LRRC49: variants seen among roughly 807,000 people sequenced by gnomAD.
The protein encoded by LRRC49 is leucine-rich repeat-containing protein 49.
Under a neutral mutation model 83.3 loss-of-function variants are expected in LRRC49, and 50 were observed. The observed-to-expected ratio is 0.60, with a 90% confidence interval of 0.48 to 0.76. The LOEUF is 0.76. Ranked by LOEUF, LRRC49 falls within the 30% of genes least tolerant of loss-of-function variation. The probability of loss-of-function intolerance (pLI) is 0.00; values close to 1 mark genes in which losing one functional copy is unlikely to be tolerated. For missense variants in LRRC49, 704 were observed against 809.1 expected (o/e 0.87, Z 1.58); for synonymous variants, 286 against 283.3 (o/e 1.01, Z -0.10).
At chr15:70,958,571 G>C (rs1186076178) in intron 8 of LRRC49, among the ~76,000 whole-genome samples, 2 of 152,158 alleles carry the variant, frequency 1.3e-5, no homozygotes, top group Admixed American at 6.5e-5. Context: ...ACCAGAAACT[G>C]TTCTGAGATT....
chr15:70,863,257 A>G (rs2032833822), intron 1 of LRRC49, among the ~76,000 whole-genome samples: 1 of 152,224 alleles, frequency 6.6e-6, no homozygotes, highest in Admixed American at 6.5e-5. Context: ...CTGAAGATAC[A>G]GCCTAGAAAT....
chr15:71,031,198 C>T (rs1000499714), intron 14 of LRRC49, among the ~76,000 whole-genome samples: 2 of 152,076 alleles, frequency 1.3e-5, no homozygotes. Context: ...TGTGGGGATC[C>T]TTTATGTTGA....
intron 14 of LRRC49, among the ~76,000 whole-genome samples, chr15:71,025,303 G>T (rs2141281958): frequency 6.6e-6 from 1 of 152,202 alleles, no homozygotes; most frequent in South Asian, 2.1e-4. Context: ...AGAGAGAAAA[G>T]CCAGTCACCT....
chr15:71,023,581 G>A (rs762366171), intron 14 of LRRC49, among the ~76,000 whole-genome samples: 28 of 151,974 alleles, frequency 1.8e-4, no homozygotes, highest in Non-Finnish European at 3.1e-4. Flanking sequence ...AGGGTGGTGC[G>A]ATGGCCCACC....
Position 71,008,433 on chromosome 15 carries a change from A to G in LRRC49, c.1224A>G (p.Thr408=). 1 of 1,613,044 alleles carries G rather than the reference A, an allele frequency of 6.2e-7. No homozygotes were observed. The highest frequency in any genetic ancestry group is 8.5e-7 in the Non-Finnish European group (1 of 1,179,206). The part of the protein sequence containing the change: ...NALQGLSVID[T]YLVEVDGDTL... The stretch of plus-strand genomic sequence containing the variant: ...TACAAGGTTTATCTGTCATAGACAC[A>G]TACCTTGTTGAAGTGGACGGGGATA... Residue 408 remains threonine, a synonymous_variant, in exon 12 of 16, where the codon ACA becomes ACG. Coordinates refer to ENST00000260382, the MANE Select transcript of LRRC49 (RefSeq NM_017691.5).
rs117290029 is a variant in LRRC49 at position 71,021,264 on chromosome 15, G to A, written c.1703+8351G>A. ...TATGTAGTCGGAAGGAGTAAATGGA[G>A]ATATTGTATTCTAGGACCTCGTATT... On this transcript the variant is annotated intron_variant, in intron 14 of 15. Transcript: ENST00000260382. Among the ~76,000 whole-genome samples, 1,464 of 152,284 alleles carry A rather than the reference G, an allele frequency of 9.6e-3. 13 individuals carry two copies. Among genetic ancestry groups the A allele is most frequent in the Non-Finnish European group, 0.015 (1,005 of 68,026 alleles).
chr15:70,970,874 CCTT>C (rs757706535), intron 9 of LRRC49, among the ~76,000 whole-genome samples: 2 of 151,790 alleles, frequency 1.3e-5, no homozygotes, highest in South Asian at 2.1e-4. Context: ...TTCTTCTCTC[CCTT>C]CTTCTTTATT....
intron 11 of LRRC49, among the ~76,000 whole-genome samples, chr15:70,987,396 C>A (rs2037667354): frequency 6.6e-6 from 1 of 152,194 alleles, no homozygotes. Flanking sequence ...TTATCCATTT[C>A]TTCTAGATTT....
chr15:70,971,236 T>C lies in LRRC49; in HGVS notation c.921+7304T>C, dbSNP rs2036986101. Among the ~76,000 whole-genome samples the C allele has an allele frequency of 2.0e-5, 3 of 152,230 alleles. No homozygotes were observed. The South Asian group carries it at 6.2e-4, about 31-fold the overall frequency. Reference sequence around the variant, plus strand: ...TTATTTCTCCCTTAAATTCATTATTTACCCAGTAGTCATTCAGGAGCAGGT... The same window carrying C: ...TTATTTCTCCCTTAAATTCATTATTCACCCAGTAGTCATTCAGGAGCAGGT... On this transcript the variant is annotated intron_variant, in intron 9 of 15. Transcript: ENST00000260382.
rs1307526294 is a variant in LRRC49, at chr15:70,945,030, C to A, written c.773+8208C>A. 4.3e-4 allele frequency among the ~76,000 whole-genome samples: 66 copies of A among 152,180 alleles called. 1 individual carries two copies. Among genetic ancestry groups the A allele is most frequent in the Non-Finnish European group, 1.0e-4 (7 of 68,036 alleles). ...TGTGGAATTATACCCTGTGTACCCA[C>A]ATCCTAATATTTAGCCAAATACTCA... On this transcript the variant is annotated intron_variant, in intron 8 of 15. Coordinates refer to ENST00000260382, the MANE Select transcript of LRRC49 (RefSeq NM_017691.5).
intron 9 of LRRC49, among the ~76,000 whole-genome samples, chr15:70,970,493 C>A (rs763290481): frequency 2.6e-5 from 4 of 152,102 alleles, no homozygotes; most frequent in South Asian, 2.1e-4. Flanking sequence ...ATGATGCTGG[C>A]CTCATAAAAT....
intron 7 of LRRC49, among the ~76,000 whole-genome samples, chr15:70,926,680 C>G (rs762977053): frequency 2.6e-5 from 4 of 152,016 alleles, no homozygotes; most frequent in African/African-American, 4.8e-5. Context: ...CCCCCCACCC[C>G]ACAACAGGCC....
At chr15:70,918,996 T>C (rs1167014274) in intron 6 of LRRC49, 54 bp from the exon 7 acceptor site, 3 of 1,413,062 alleles carry the variant, frequency 2.1e-6, no homozygotes, top group East Asian at 2.3e-5. Flanking sequence ...TTTTAGAACA[T>C]GTATATTTCA....
At chr15:71,045,615 A>G (rs927575835) in intron 15 of LRRC49, among the ~76,000 whole-genome samples, 1 of 152,146 alleles carries the variant, frequency 6.6e-6, no homozygotes, top group African/African-American at 2.4e-5. Flanking sequence ...CATTCATATA[A>G]CCCAAACCCT....
chr15:70,891,567 C>CTGTGTGTGTGTG (rs3220843), upstream of LRRC49, among the ~76,000 whole-genome samples: 1,027 of 137,062 alleles, frequency 7.5e-3, 11 homozygotes, highest in Admixed American at 0.018. Context: ...GGACAAGACT[C>CTGTGTGTGTGTG]TGTGTGTGTG....
At chr15:71,017,543 A>G (rs2038864719) in intron 14 of LRRC49, among the ~76,000 whole-genome samples, 1 of 152,190 alleles carries the variant, frequency 6.6e-6, no homozygotes, top group Non-Finnish European at 1.5e-5. Context: ...ATAATAGAAA[A>G]AAAAAGGCAA....
rs144703190 is a variant in LRRC49, at chr15:70,901,015, G to A, written c.287G>A (p.Ser96Asn). The part of the protein sequence containing the change: ...EEKILYSDRL[S>N]LERQKLTVCP... The stretch of plus-strand genomic sequence containing the variant: ...AAAATTCTTTACTCAGACAGGTTGA[G>A]CCTAGAAAGGTGAGGACAATTTCTT... Residue 96 changes from serine to asparagine, a missense_variant, in exon 4 of 16, where the codon AGC (serine) becomes AAC (asparagine). Ser to Asn is a conservative substitution (Grantham distance 46, BLOSUM62 1). Transcript: ENST00000260382. The A allele has an allele frequency of 1.1e-5, 18 of 1,595,120 alleles. No individual in the cohort carries two copies. Among genetic ancestry groups the A allele is most frequent in the Middle Eastern group, 3.3e-4 (2 of 5,998 alleles).
intron 9 of LRRC49, among the ~76,000 whole-genome samples, chr15:70,964,176 T>C (rs1039760464): frequency 6.6e-6 from 1 of 152,196 alleles, no homozygotes; most frequent in Admixed American, 6.5e-5. Flanking sequence ...TTTTTCATTC[T>C]TGCTTAATAT....
intron 8 of LRRC49, among the ~76,000 whole-genome samples, chr15:70,948,991 G>T (rs940235779): frequency 3.3e-5 from 5 of 152,142 alleles, no homozygotes; most frequent in African/African-American, 1.2e-4. Context: ...ATATGTAAAT[G>T]AATGGGCAGA....
Sources: allele counts gnomAD v4.1 joint callset (sites outside exome capture counted in the v4.1 genomes callset), GRCh38; gene constraint gnomAD v4.1.1; transcripts MANE v1.5; gene names NCBI Gene and HGNC (gene_info 2026-07-23, HGNC 2026-07-21).